Variants in ESPL1 observed in about 807,000 individuals in gnomAD.
ESPL1 encodes extra spindle pole bodies like 1, separase, also known as separin.
Under a neutral mutation model 217.2 loss-of-function variants are expected in ESPL1, and 50 were observed. That is an observed-to-expected ratio of 0.23 (90% CI 0.18 to 0.29). The LOEUF is 0.29. Ranked by LOEUF, ESPL1 falls within the 10% of genes least tolerant of loss-of-function variation. ESPL1 has a pLI of 1.00. For synonymous variants in ESPL1, 994 were observed against 1,081.3 expected, an observed-to-expected ratio of 0.92 and a Z score of 1.58; for missense variants, 1,834 against 2,603.0, an observed-to-expected ratio of 0.70 and a Z score of 6.43.
At chr12:53,291,117 A>G in intron 25 of ESPL1, 121 bp downstream of exon 25, 2 of 760,412 alleles carry the variant, frequency 2.6e-6, no homozygotes, top group Admixed American at 3.1e-5. Context: ...AGCCTGGCCA[A>G]CATGGTGAAA....
chr12:53,269,164 G>T lies in ESPL1; in HGVS notation c.222G>T (p.Leu74=), dbSNP rs774328635. Residue 74 remains leucine, a synonymous_variant, in exon 3 of 31, where the codon CTG becomes CTT. Coordinates refer to ENST00000257934, the MANE Select transcript of ESPL1 (RefSeq NM_012291.5). The surrounding 1 kb of genome is among the most constrained non-coding windows in gnomAD (Gnocchi z 6.7). ...CTTGCCCTAGGCATCTGGGGAGCCT[G>T]CTGGAGCTGGCAGAGCTGGCCTGTG... is the stretch of plus-strand genomic sequence containing the variant. The part of the protein sequence containing the change: ...KLACPRHLGS[L]LELAELACDG... The T allele has an allele frequency of 6.2e-7, 1 of 1,614,204 alleles. No individual in the cohort carries two copies. Among genetic ancestry groups the T allele is most frequent in the Non-Finnish European group, 8.5e-7 (1 of 1,180,028 alleles).
Position 53,279,717 on chromosome 12 carries a change from G to T in ESPL1, c.2365-15G>T. 6.2e-7 allele frequency: 1 copy of T among 1,613,964 alleles called. No individual in the cohort carries two copies. The highest frequency in any genetic ancestry group is 1.1e-5 in the South Asian group (1 of 91,080). ...GAGCAGGGGTGGAGTAAACTTGGCT[G>T]CTTCTGCTGACCAGCCCATGCAGGC... On this transcript the variant is annotated splice_polypyrimidine_tract_variant and intron_variant, in intron 11 of 30. Coordinates refer to ENST00000257934, the MANE Select transcript of ESPL1 (RefSeq NM_012291.5).
Position 53,285,911 on chromosome 12 carries a change from G to T in ESPL1, c.3188-13G>T. 6.6e-7 allele frequency: 1 copy of T among 1,509,806 alleles called. No individual in the cohort carries two copies. The highest frequency in any genetic ancestry group is 8.9e-7 in the Non-Finnish European group (1 of 1,127,552). 93.5% of individuals were successfully genotyped at this position (1,509,806 alleles called of 1,614,324 possible). A position where few individuals can be genotyped will look rare whatever the true frequency, so the allele number is the denominator to read the frequency against. On this transcript the variant is annotated splice_polypyrimidine_tract_variant and intron_variant, in intron 17 of 30. Transcript: ENST00000257934. Reference sequence around the variant, plus strand: ...CTCCCCGTTTTGTAATTCTTGTTCTGCCTTCTCCCCAGAGTTTGGTGGGGT... The same window carrying T: ...CTCCCCGTTTTGTAATTCTTGTTCTTCCTTCTCCCCAGAGTTTGGTGGGGT...
intron 7 of ESPL1, 67 bp from the exon 8 acceptor site, chr12:53,276,553 G>A: frequency 6.8e-7 from 1 of 1,479,806 alleles, no homozygotes; most frequent in Non-Finnish European, 9.0e-7. Context: ...TCCTCAGCAT[G>A]GGAGCAGGTA....
chr12:53,270,846 C>T, intron 5 of ESPL1, 48 bp downstream of exon 5: 3 of 1,607,862 alleles, frequency 1.9e-6, no homozygotes, highest in Non-Finnish European at 2.5e-6. Flanking sequence ...GGGTCATCAC[C>T]CATTAGGCAG....
intron 25 of ESPL1, 102 bp from the exon 26 acceptor site, chr12:53,291,588 C>CAA: frequency 2.2e-5 from 25 of 1,129,172 alleles, no homozygotes; most frequent in African/African-American, 4.8e-5. Context: ...AAGACTCTGT[C>CAA]AAAAAAAAAA....
At chr12:53,290,597 A>T in intron 24 of ESPL1, 128 bp downstream of exon 24, 1 of 640,754 alleles carries the variant, frequency 1.6e-6, no homozygotes, top group Non-Finnish European at 2.2e-6. Context: ...TGTAGACCTA[A>T]ATTTAAAAAT....
In ESPL1 at chr12:53,286,114, C is replaced by T. The variant is rs1384888065; in HGVS notation, c.3378C>T (p.Ser1126=). 1 of 1,613,866 alleles carries T rather than the reference C, an allele frequency of 6.2e-7. No individual in the cohort carries two copies. Among genetic ancestry groups the T allele is most frequent in the Non-Finnish European group, 8.5e-7 (1 of 1,179,766 alleles). The stretch of plus-strand genomic sequence containing the variant: ...CCATAGCACCTTCTACAAACTCCTC[C>T]CCAGTCTTGAAAACCAAGCCCCAGC... The part of the protein sequence containing the change: ...PGPIAPSTNS[S]PVLKTKPQPI... The change falls in exon 18 of 31, where the codon TCC becomes TCT. Residue 1126 remains serine, a synonymous_variant. Transcript: ENST00000257934. This position sits in a 1 kb window ranked among gnomAD's most constrained non-coding sequence, Gnocchi z 5.3.
chr12:53,269,729 T>G lies in ESPL1; in HGVS notation c.787T>G (p.Cys263Gly), dbSNP rs767190721. ...CACCTTGGAACACTGCCGTCGCTTT[T>G]GCTGGAGCCGCCACCATGACAAAGC... ...ELTLEHCRRFCWSRHHDKAIS... is the reference protein window; with the variant it reads ...ELTLEHCRRFGWSRHHDKAIS... Residue 263 changes from cysteine (C) to glycine (G), a missense_variant, in exon 3 of 31, where the codon TGC becomes GGC. Coordinates refer to ENST00000257934, the MANE Select transcript of ESPL1 (RefSeq NM_012291.5). This position sits in a 1 kb window ranked among gnomAD's most constrained non-coding sequence, Gnocchi z 6.7. 2 of 1,614,186 alleles carry G rather than the reference T, an allele frequency of 1.2e-6. No homozygotes were observed. Among genetic ancestry groups the G allele is most frequent in the Admixed American group, 1.7e-5 (1 of 60,024 alleles).
chr12:53,286,599 T>A lies in ESPL1; in HGVS notation c.3863T>A (p.Phe1288Tyr), dbSNP rs1349890486. Residue 1288 changes from phenylalanine (F) to tyrosine (Y), a missense_variant, in exon 18 of 31, where the codon TTT becomes TAT. By Grantham distance (22) the Phe-to-Tyr change is conservative (BLOSUM62 3). Around this residue, in one of 5 missense-constraint regions of ESPL1, gnomAD observed 681 missense variants for 808.0 expected, o/e 0.84. Transcript: ENST00000257934. This position sits in a 1 kb window ranked among gnomAD's most constrained non-coding sequence, Gnocchi z 5.3. ...GGLSCCTTQLFASSWGWQPPL... is the reference protein window; with the variant it reads ...GGLSCCTTQLYASSWGWQPPL... ...CTCAGCTGCTGTACTACCCAACTTT[T>A]TGCAAGCTCCTGGGGCTGGCAGCCA... 3.1e-6 allele frequency: 5 copies of A among 1,614,182 alleles called. No individual in the cohort carries two copies. The highest frequency in any genetic ancestry group is 4.2e-6 in the Non-Finnish European group (5 of 1,180,042).
intron 11 of ESPL1, among the ~76,000 whole-genome samples, chr12:53,278,856 G>A (rs1302065216): frequency 1.3e-5 from 2 of 151,968 alleles, no homozygotes; most frequent in East Asian, 3.9e-4. Flanking sequence ...AAAGTGCTGG[G>A]ATTACAGGCG....
chr12:53,292,334 C>G lies in ESPL1; in HGVS notation c.5853C>G (p.Val1951=). ...QGVDPRSTFY[V]LNPHNNLSST... is the part of the protein sequence containing the mutation. ...TGGATCCACGAAGTACCTTCTATGTCCTGAACCCTCACAATAACCTGTCAA... is the reference window on the plus strand; with the variant it reads ...TGGATCCACGAAGTACCTTCTATGTGCTGAACCCTCACAATAACCTGTCAA... Residue 1951 remains valine (V), a synonymous_variant, in exon 28 of 31, where the codon GTC becomes GTG. Coordinates refer to ENST00000257934, the MANE Select transcript of ESPL1 (RefSeq NM_012291.5). The surrounding 1 kb of genome is among the most constrained non-coding windows in gnomAD (Gnocchi z 4.5). 1 of 1,614,096 alleles carries G rather than the reference C, an allele frequency of 6.2e-7. No homozygotes were observed. The highest frequency in any genetic ancestry group is 8.5e-7 in the Non-Finnish European group (1 of 1,180,000).
chr12:53,287,555 G>A (rs1285384660), intron 18 of ESPL1: 1 of 155,766 alleles, frequency 6.4e-6, no homozygotes, highest in African/African-American at 2.4e-5. Flanking sequence ...AGTAAAGACG[G>A]GGTTTTACCA....
chr12:53,276,520 A>G (rs1943767589), intron 7 of ESPL1, 100 bp from the exon 8 acceptor site: 5 of 1,350,456 alleles, frequency 3.7e-6, no homozygotes, highest in Non-Finnish European at 3.9e-6. Context: ...CTGGAAACCT[A>G]CTGAGCAAGC....
At chr12:53,278,488 T>TAAAA (rs34127196) in intron 11 of ESPL1, among the ~76,000 whole-genome samples, 2 of 146,792 alleles carry the variant, frequency 1.4e-5, no homozygotes, top group Admixed American at 6.8e-5. Context: ...GCTATTTCAT[T>TAAAA]AAAAAAAAAA....
At chr12:53,280,550 G>T (rs926776489) in intron 12 of ESPL1, among the ~76,000 whole-genome samples, 1 of 151,934 alleles carries the variant, frequency 6.6e-6, no homozygotes, top group African/African-American at 2.4e-5. Context: ...TAAATGTTTT[G>T]TAGAGACAGA....
At chr12:53,276,535 GC>G in intron 7 of ESPL1, 84 bp from the exon 8 acceptor site, 1 of 1,428,244 alleles carries the variant, frequency 7.0e-7, no homozygotes, top group Non-Finnish European at 9.3e-7. Flanking sequence ...GCAAGCCAAG[GC>G]TGGGGCTCCT....
chr12:53,293,550 T>C lies in ESPL1; in HGVS notation c.*76T>C. 8.9e-7 allele frequency: 1 copy of C among 1,120,308 alleles called. No homozygotes were observed. The highest frequency in any genetic ancestry group is 1.3e-5 in the South Asian group (1 of 77,462). The allele number at this position is 1,120,308 out of a possible 1,614,324, so 69.4% of individuals were successfully genotyped here. ...CCAAGGTTAGATTTAATCCTTAGGA[T>C]AACTCTTTTAAAGTGATTTTCCCCA... is the stretch of plus-strand genomic sequence containing the variant. On this transcript the variant is annotated 3_prime_UTR_variant, in exon 31 of 31. Transcript: ENST00000257934. This position sits in a 1 kb window ranked among gnomAD's most constrained non-coding sequence, Gnocchi z 4.2.
intron 7 of ESPL1, among the ~76,000 whole-genome samples, 187 bp downstream of exon 7, chr12:53,275,197 G>A (rs1943744757): frequency 6.6e-6 from 1 of 151,856 alleles, no homozygotes. Context: ...TGTAATCCCA[G>A]CACACATGTA....
Sources: allele counts gnomAD v4.1 joint callset (sites outside exome capture counted in the v4.1 genomes callset), GRCh38; gene constraint gnomAD v4.1.1; regional missense constraint gnomAD v4.1.1; non-coding constraint Gnocchi (gnomAD v3.1); transcripts MANE v1.5; gene names NCBI Gene and HGNC (gene_info 2026-07-23, HGNC 2026-07-21).